The following IQCM variants were observed in gnomAD, a reference collection of about 807,000 sequenced individuals.
IQCM encodes the protein IQ domain-containing protein M.
Under a neutral mutation model 57.6 loss-of-function variants are expected in IQCM, and 45 were observed. The ratio of observed to expected loss-of-function variants is 0.78; its 90% confidence interval spans 0.62 to 1.00. The LOEUF is 1.00. Among genes scored for constraint, IQCM ranks in the 50% least tolerant of loss-of-function variants. The pLI, the probability that IQCM is intolerant of heterozygous loss-of-function variation, is 0.00. For synonymous variants in IQCM, 148 were observed against 158.9 expected (o/e 0.93, Z 0.51); for missense variants, 468 against 511.6 (o/e 0.91, Z 0.82).
chr4:149,587,489 A>G (rs970076527), intron 9 of IQCM, among the ~76,000 whole-genome samples: 12 of 151,822 alleles, frequency 7.9e-5, no homozygotes, highest in Non-Finnish European at 1.0e-4. Flanking sequence ...CAAAGTATAT[A>G]AAGTAGCAAA....
intron 8 of IQCM, among the ~76,000 whole-genome samples, chr4:149,598,545 A>G (rs1238519655): frequency 6.6e-6 from 1 of 152,204 alleles, no homozygotes; most frequent in East Asian, 1.9e-4. Context: ...AGGGCAAAAA[A>G]TGAAATGAAA....
intron 2 of IQCM, among the ~76,000 whole-genome samples, chr4:149,812,954 A>C (rs952084342): frequency 2.0e-5 from 3 of 152,176 alleles, no homozygotes; most frequent in African/African-American, 4.8e-5. Context: ...TCAGTCAGCT[A>C]CATTAATATC....
chr4:149,731,335 C>A (rs562170863), intron 5 of IQCM, among the ~76,000 whole-genome samples: 1 of 152,122 alleles, frequency 6.6e-6, no homozygotes, highest in Non-Finnish European at 1.5e-5. Context: ...TTTGTCCCAT[C>A]GAGAGGACAG....
chr4:149,430,168 C>T, intron 13 of IQCM: 1 of 424,244 alleles, frequency 2.4e-6, no homozygotes, highest in Non-Finnish European at 3.9e-6. Context: ...GAACTGAGCA[C>T]TTAAATATGC....
intron 8 of IQCM, among the ~76,000 whole-genome samples, chr4:149,617,169 G>A (rs1481381504): frequency 6.6e-6 from 1 of 151,766 alleles, no homozygotes; most frequent in Non-Finnish European, 1.5e-5. Context: ...TGCTCAGGGT[G>A]GTCTTGAACT....
At chr4:149,429,896 A>G in intron 13 of IQCM, 1 of 852,668 alleles carries the variant, frequency 1.2e-6, no homozygotes. Context: ...CTTGGAAGAC[A>G]GAGTTTGAAA....
chr4:149,686,314 C>A, intron 6 of IQCM, 64 bp downstream of exon 6: 1 of 729,598 alleles, frequency 1.4e-6, no homozygotes, highest in South Asian at 7.0e-5. Context: ...GACAATTGGT[C>A]AGGGAATATT....
intron 12 of IQCM, among the ~76,000 whole-genome samples, chr4:149,512,573 G>A (rs1470918133): frequency 6.6e-6 from 1 of 151,908 alleles, no homozygotes; most frequent in African/African-American, 2.4e-5. Flanking sequence ...TTGATTTTGT[G>A]CAGACAGTTG....
chr4:149,407,170 C>A (rs934676500), intron 13 of IQCM, among the ~76,000 whole-genome samples: 18 of 152,212 alleles, frequency 1.2e-4, no homozygotes, highest in Admixed American at 1.2e-3. Context: ...TTATCCCCCC[C>A]CAGGTCCCTC....
In IQCM at chr4:149,369,029, T is replaced by TAC. The variant is rs1553956132; in HGVS notation, c.1391-16965_1391-16964dup. On this transcript the variant is annotated intron_variant, in intron 13 of 13. Coordinates refer to ENST00000636793, the MANE Select transcript of IQCM (RefSeq NM_001363507.2). The stretch of plus-strand genomic sequence containing the variant: ...ATATACACGTGTATATATATATATA[T>TAC]ACATGTGTATATATATATATGTATT... Among the ~76,000 whole-genome samples, 6 of 77,720 alleles carry TAC rather than the reference T, an allele frequency of 7.7e-5. 1 individual carries two copies. The highest frequency in any genetic ancestry group is 1.3e-4 in the Non-Finnish European group (5 of 37,758). 51.0% of individuals were successfully genotyped at this position (77,720 alleles called of 152,430 possible).
intron 12 of IQCM, among the ~76,000 whole-genome samples, chr4:149,443,544 A>G (rs567630449): frequency 3.3e-5 from 5 of 152,126 alleles, no homozygotes; most frequent in African/African-American, 1.2e-4. Flanking sequence ...ACATTCTCAG[A>G]AAATATAGCA....
intron 13 of IQCM, among the ~76,000 whole-genome samples, chr4:149,406,261 T>C (rs1166262107): frequency 2.0e-5 from 3 of 151,958 alleles, no homozygotes; most frequent in Non-Finnish European, 4.4e-5. Flanking sequence ...AATATAGACA[T>C]ATAAACATGA....
chr4:149,769,554 C>CT (rs1770372825), intron 2 of IQCM, among the ~76,000 whole-genome samples: 1 of 147,064 alleles, frequency 6.8e-6, no homozygotes, highest in African/African-American at 2.5e-5. Context: ...TGCTCTATAG[C>CT]TAAAAAAAAA....
At chr4:149,708,556 G>A (rs1764330468) in intron 5 of IQCM, among the ~76,000 whole-genome samples, 1 of 151,946 alleles carries the variant, frequency 6.6e-6, no homozygotes, top group Non-Finnish European at 1.5e-5. Flanking sequence ...GAGAAATAGG[G>A]ATAAAGATAT....
rs17026417 is a variant in IQCM at position 149,745,319 on chromosome 4, C to T, written c.-48-2580G>A. ...TTGAACAGGGCATTGACATAACCAA[C>T]GTTCTAGAATGTAACTTCCATAAAG... is the stretch of plus-strand genomic sequence containing the variant. On this transcript the variant is annotated intron_variant, in intron 2 of 13. Coordinates refer to ENST00000636793, the MANE Select transcript of IQCM (RefSeq NM_001363507.2). 9.0e-3 allele frequency among the ~76,000 whole-genome samples: 1,368 copies of T among 152,288 alleles called. 10 individuals are homozygous for T. Among genetic ancestry groups the T allele is most frequent in the African/African-American group, 0.03 (1,265 of 41,552 alleles).
intron 13 of IQCM, among the ~76,000 whole-genome samples, chr4:149,373,606 T>C (rs1157567991): frequency 6.6e-6 from 1 of 152,158 alleles, no homozygotes; most frequent in Non-Finnish European, 1.5e-5. Flanking sequence ...CCTGCATAAA[T>C]ATTTAATTCA....
At chr4:149,447,331 G>A (rs962815432) in intron 12 of IQCM, among the ~76,000 whole-genome samples, 2 of 151,536 alleles carry the variant, frequency 1.3e-5, no homozygotes, top group African/African-American at 4.8e-5. Context: ...AACTCATACT[G>A]AGGAGAAAAA....
intron 12 of IQCM, among the ~76,000 whole-genome samples, chr4:149,481,957 T>C (rs937796706): frequency 2.0e-5 from 3 of 151,240 alleles, no homozygotes; most frequent in African/African-American, 7.3e-5. Flanking sequence ...ATTTTTCTCA[T>C]CAGTGTTTTA....
At chr4:149,461,820 CTA>C (rs1022142129) in intron 12 of IQCM, among the ~76,000 whole-genome samples, 2 of 150,992 alleles carry the variant, frequency 1.3e-5, no homozygotes. Context: ...TAAAGGAATA[CTA>C]TATATATATA....
Sources: gnomAD v4.1 joint callset for allele counts (sites outside exome capture counted in the v4.1 genomes callset) on GRCh38, gnomAD v4.1.1 for gene constraint, MANE v1.5 for transcripts, NCBI Gene and HGNC (gene_info 2026-07-23, HGNC 2026-07-21) for gene names.